The following AKR1C8 variants were observed in gnomAD, a reference collection of about 807,000 sequenced individuals.
AKR1C8 encodes aldo-keto reductase family 1 member C-like protein 1.
the AKR1C8 span, among the ~76,000 whole-genome samples, chr10:5,184,253 C>T: frequency 1.3e-5 from 2 of 152,138 alleles, no homozygotes; most frequent in African/African-American, 4.8e-5. Flanking sequence ...CCATCCAGGC[C>T]CCCTCTCTAC....
chr10:5,158,439 T>C, the AKR1C8 span, among the ~76,000 whole-genome samples: 1 of 152,222 alleles, frequency 6.6e-6, no homozygotes, highest in Non-Finnish European at 1.5e-5. Context: ...TTGGTGACAT[T>C]TAAGCTCAGT....
chr10:5,116,892 G>A, the AKR1C8 span, among the ~76,000 whole-genome samples: 19 of 152,276 alleles, frequency 1.2e-4, no homozygotes, highest in Admixed American at 3.9e-4. Context: ...CCTGGAAAGC[G>A]TAGCATTCGT....
the AKR1C8 span, among the ~76,000 whole-genome samples, chr10:5,165,952 C>T: frequency 2.6e-5 from 4 of 152,202 alleles, no homozygotes; most frequent in South Asian, 2.1e-4. Context: ...GAAGGTGACA[C>T]TTGCATCCAT....
At chr10:5,147,936 GGCC>G in the AKR1C8 span, among the ~76,000 whole-genome samples, 3 of 152,156 alleles carry the variant, frequency 2.0e-5, no homozygotes, top group African/African-American at 7.2e-5. Flanking sequence ...CTCTGGGTGG[GGCC>G]TCCACCCATG....
the AKR1C8 span, chr10:5,159,943 G>C: frequency 2.4e-5 from 12 of 497,146 alleles, no homozygotes; most frequent in Admixed American, 2.4e-4. Flanking sequence ...CCAGCAGCTT[G>C]TGATTGAAAT....
chr10:5,168,742 G>A, the AKR1C8 span, among the ~76,000 whole-genome samples: 1 of 152,026 alleles, frequency 6.6e-6, no homozygotes, highest in Admixed American at 6.6e-5. Context: ...AGGGGAAAGA[G>A]AATGAAAAAG....
the AKR1C8 span, among the ~76,000 whole-genome samples, chr10:5,118,118 T>C: frequency 6.6e-6 from 1 of 152,196 alleles, no homozygotes; most frequent in Non-Finnish European, 1.5e-5. Flanking sequence ...TCAAGGCAAC[T>C]TCCTGCCAGT....
chr10:5,138,083 G>A, the AKR1C8 span, among the ~76,000 whole-genome samples: 90,151 of 150,558 alleles, frequency 0.6, 28,805 homozygotes, highest in East Asian at 0.86. Context: ...AGCGGTGCAC[G>A]TACTGTCTTG....
chr10:5,117,928 G>A, the AKR1C8 span, among the ~76,000 whole-genome samples: 30 of 152,148 alleles, frequency 2.0e-4, no homozygotes, highest in Admixed American at 9.2e-4. Context: ...CTCCTACATC[G>A]AAAATTCAGC....
chr10:5,156,647 A>T, the AKR1C8 span, among the ~76,000 whole-genome samples: 1 of 152,120 alleles, frequency 6.6e-6, no homozygotes, highest in Admixed American at 6.5e-5. Context: ...TGTACTTCAG[A>T]AGTTATATGG....
At chr10:5,132,420 A>G in the AKR1C8 span, among the ~76,000 whole-genome samples, 1 of 152,242 alleles carries the variant, frequency 6.6e-6, no homozygotes. Flanking sequence ...TTTGAACACA[A>G]CAATGATGAG....
chr10:5,171,290 G>A, the AKR1C8 span, among the ~76,000 whole-genome samples: 2 of 151,952 alleles, frequency 1.3e-5, no homozygotes, highest in Non-Finnish European at 2.9e-5. Flanking sequence ...AAGTTTTAAG[G>A]TAGCCATAGT....
the AKR1C8 span, among the ~76,000 whole-genome samples, chr10:5,138,729 C>T: frequency 5.3e-5 from 8 of 152,034 alleles, no homozygotes. Context: ...TCGGTCCCTC[C>T]ATTCGGCGTC....
the AKR1C8 span, among the ~76,000 whole-genome samples, chr10:5,132,119 C>T: frequency 1.6e-3 from 250 of 152,228 alleles, no homozygotes; most frequent in African/African-American, 5.8e-3. Flanking sequence ...TAAGTGGGAA[C>T]TAAGCTATGA....
At chr10:5,137,455 C>T in the AKR1C8 span, among the ~76,000 whole-genome samples, 1 of 152,174 alleles carries the variant, frequency 6.6e-6, no homozygotes, top group Non-Finnish European at 1.5e-5. Context: ...ATACACAAAT[C>T]AATAAACGTA....
chr10:5,182,571 T>C, the AKR1C8 span, among the ~76,000 whole-genome samples: 3 of 152,200 alleles, frequency 2.0e-5, no homozygotes, highest in Non-Finnish European at 4.4e-5. Flanking sequence ...AGGTTACTTA[T>C]GGAATAGAAT....
chr10:5,129,161 T>C, the AKR1C8 span, among the ~76,000 whole-genome samples: 1 of 152,090 alleles, frequency 6.6e-6, no homozygotes, highest in Non-Finnish European at 1.5e-5. Flanking sequence ...GGAAATTAAA[T>C]AATCTGCTCT....
chr10:5,174,130 A>T, the AKR1C8 span, among the ~76,000 whole-genome samples: 3 of 151,952 alleles, frequency 2.0e-5, no homozygotes, highest in Non-Finnish European at 4.4e-5. Context: ...TAGGCCCTAG[A>T]AACTGCACAT....
At chr10:5,165,436 C>G in the AKR1C8 span, among the ~76,000 whole-genome samples, 2 of 152,064 alleles carry the variant, frequency 1.3e-5, no homozygotes, top group Non-Finnish European at 2.9e-5. Flanking sequence ...GCCCTTTGCT[C>G]AAAACCTCTA....
Sources: gnomAD v4.1 joint callset for allele counts (sites outside exome capture counted in the v4.1 genomes callset) on GRCh38, gnomAD v4.1.1 for gene constraint, MANE v1.5 for transcripts, NCBI Gene and HGNC (gene_info 2026-07-23, HGNC 2026-07-21) for gene names.